NRXN3: variants seen among roughly 807,000 people sequenced by gnomAD.
The protein encoded by NRXN3 is neurexin 3.
Under a neutral mutation model 137.6 loss-of-function variants are expected in NRXN3, and 32 were observed. That is an observed-to-expected ratio of 0.23 (90% CI 0.18 to 0.31). The LOEUF is 0.31. Ranked by LOEUF, NRXN3 falls within the 10% of genes least tolerant of loss-of-function variation. The pLI, the probability that NRXN3 is intolerant of heterozygous loss-of-function variation, is 1.00. For synonymous variants in NRXN3, 798 were observed against 784.5 expected (o/e 1.02, Z -0.29); for missense variants, 1,574 against 2,062.5 (o/e 0.76, Z 4.59).
chr14:78,260,209 C>T (rs1379227797), intron 2 of NRXN3, among the ~76,000 whole-genome samples: 1 of 152,174 alleles, frequency 6.6e-6, no homozygotes, highest in African/African-American at 2.4e-5. Context: ...TTAAAGGAGA[C>T]ATATGTGTAA....
chr14:79,391,058 A>G (rs570362922), intron 15 of NRXN3, among the ~76,000 whole-genome samples: 1 of 152,198 alleles, frequency 6.6e-6, no homozygotes, highest in South Asian at 2.1e-4. Flanking sequence ...CAGAATTTCG[A>G]AGAAGTAAGG....
intron 15 of NRXN3, among the ~76,000 whole-genome samples, chr14:79,422,031 A>G (rs1318217064): frequency 6.6e-6 from 1 of 152,052 alleles, no homozygotes; most frequent in Non-Finnish European, 1.5e-5. Context: ...TTTCAAAGTT[A>G]CATGTAGAGT....
chr14:79,190,481 G>C (rs1055472599), intron 15 of NRXN3, among the ~76,000 whole-genome samples: 1 of 152,114 alleles, frequency 6.6e-6, no homozygotes, highest in African/African-American at 2.4e-5. Context: ...ATTTTTAATG[G>C]ACACGTAGTG....
At chr14:78,858,508 C>T (rs1015656511) in intron 10 of NRXN3, among the ~76,000 whole-genome samples, 1 of 152,064 alleles carries the variant, frequency 6.6e-6, no homozygotes, top group African/African-American at 2.4e-5. Context: ...GGAGGAATCT[C>T]AATATTTTTC....
At chr14:78,602,267 C>CTTTTTTTT (rs370669288) in intron 4 of NRXN3, among the ~76,000 whole-genome samples, 25 of 115,256 alleles carry the variant, frequency 2.2e-4, no homozygotes, top group African/African-American at 5.1e-4. Context: ...TCACATTAGC[C>CTTTTTTTT]TTTTTTTTTT....
chr14:78,443,159 CT>C (rs1292134470), intron 4 of NRXN3, among the ~76,000 whole-genome samples: 1 of 152,216 alleles, frequency 6.6e-6, no homozygotes, highest in Non-Finnish European at 1.5e-5. Flanking sequence ...TGGGAATATC[CT>C]TTGCCTGAGC....
chr14:79,335,008 A>G (rs749463309), intron 15 of NRXN3, among the ~76,000 whole-genome samples: 7 of 152,142 alleles, frequency 4.6e-5, no homozygotes, highest in Non-Finnish European at 8.8e-5. Context: ...TGCCTGGCAG[A>G]CAATTATTGG....
chr14:78,543,813 C>T (rs1477411834), intron 4 of NRXN3, among the ~76,000 whole-genome samples: 1 of 152,050 alleles, frequency 6.6e-6, no homozygotes, highest in East Asian at 1.9e-4. Flanking sequence ...TCAAAAGGGT[C>T]TTGAGTGCAG....
intron 19 of NRXN3, among the ~76,000 whole-genome samples, chr14:79,799,548 G>A (rs1322549925): frequency 2.6e-5 from 4 of 152,158 alleles, no homozygotes; most frequent in Non-Finnish European, 5.9e-5. Flanking sequence ...TCAAGTAGTG[G>A]TCACACTGTC....
intron 15 of NRXN3, among the ~76,000 whole-genome samples, chr14:79,092,825 T>C (rs967701382): frequency 2.0e-5 from 3 of 152,130 alleles, no homozygotes; most frequent in Non-Finnish European, 4.4e-5. Context: ...CCCTTGGGTC[T>C]CCTTTCATCC....
intron 15 of NRXN3, among the ~76,000 whole-genome samples, chr14:79,170,200 A>G (rs893484700): frequency 2.0e-5 from 3 of 152,172 alleles, no homozygotes; most frequent in African/African-American, 7.2e-5. Context: ...CAGGAACTCC[A>G]AGGAAGGGTA....
At chr14:78,806,108 G>A (rs1278168715) in intron 9 of NRXN3, among the ~76,000 whole-genome samples, 5 of 145,118 alleles carry the variant, frequency 3.4e-5, no homozygotes, top group South Asian at 2.2e-4. Context: ...CTCCTGCTGC[G>A]TTGAACCATC....
chr14:79,604,000 G>C (rs2097961486), intron 16 of NRXN3, among the ~76,000 whole-genome samples: 1 of 152,078 alleles, frequency 6.6e-6, no homozygotes, highest in Non-Finnish European at 1.5e-5. Flanking sequence ...CGATTCTCCT[G>C]CCTCAGCCTC....
chr14:78,769,711 A>G (rs1009529296), intron 8 of NRXN3, among the ~76,000 whole-genome samples: 1 of 152,246 alleles, frequency 6.6e-6, no homozygotes, highest in Non-Finnish European at 1.5e-5. Context: ...AAGGCAGAAT[A>G]GAAGAGATAT....
intron 15 of NRXN3, among the ~76,000 whole-genome samples, chr14:79,016,360 C>T (rs1010219696): frequency 6.6e-6 from 1 of 152,122 alleles, no homozygotes; most frequent in Non-Finnish European, 1.5e-5. Flanking sequence ...TGCCTGATCT[C>T]CAGGCTCAAA....
intron 8 of NRXN3, among the ~76,000 whole-genome samples, chr14:78,783,274 C>T (rs529689782): frequency 4.6e-5 from 7 of 152,116 alleles, no homozygotes; most frequent in African/African-American, 1.4e-4. Context: ...GGTGTTCTTG[C>T]CAAAAACATG....
At chr14:79,012,451 G>T (rs1430216931) in intron 15 of NRXN3, among the ~76,000 whole-genome samples, 1 of 152,198 alleles carries the variant, frequency 6.6e-6, no homozygotes, top group Non-Finnish European at 1.5e-5. Context: ...AATTGCAGAA[G>T]TCCAGTAATC....
intron 15 of NRXN3, among the ~76,000 whole-genome samples, chr14:79,161,008 A>T (rs2060718197): frequency 1.3e-5 from 2 of 151,990 alleles, no homozygotes; most frequent in Admixed American, 1.3e-4. Flanking sequence ...ATGCAAGGGA[A>T]CTTCTCTTAC....
At chr14:78,373,620 C>T (rs929607) in intron 4 of NRXN3, among the ~76,000 whole-genome samples, 149,119 of 152,270 alleles carry the variant, frequency 0.98, 73,065 homozygotes, top group Non-Finnish European at 1. Flanking sequence ...GTGCCTATTC[C>T]TTCCTCAATG....
Sources: allele counts gnomAD v4.1 joint callset (sites outside exome capture counted in the v4.1 genomes callset), GRCh38; gene constraint gnomAD v4.1.1; transcripts MANE v1.5; gene names NCBI Gene and HGNC (gene_info 2026-07-23, HGNC 2026-07-21).